The following MN1 variants were observed in gnomAD, a reference collection of about 807,000 sequenced individuals.
MN1 encodes the protein MN1 proto-oncogene, transcriptional regulator.
MN1 carries 19 observed loss-of-function variants against 86.9 expected under a neutral mutation model. The observed-to-expected ratio is 0.22, with a 90% CI of 0.15 to 0.32. The LOEUF (loss-of-function observed/expected upper bound fraction) is 0.32. MN1 is among the 10% of genes least tolerant of loss of function. The pLI, the probability that MN1 is intolerant of heterozygous loss-of-function variation, is 1.00. For synonymous variants in MN1, 928 were observed against 849.6 expected, an observed-to-expected ratio of 1.09 and a Z score of -1.60; for missense variants, 1,841 against 1,862.0, an observed-to-expected ratio of 0.99 and a Z score of 0.21.
Position 27,798,355 on chromosome 22 carries a change from G to A in MN1, c.2189C>T (p.Pro730Leu). 1 of 1,505,122 alleles carries A rather than the reference G, an allele frequency of 6.6e-7. No homozygotes were observed. 93.2% of individuals were successfully genotyped at this position (1,505,122 alleles called of 1,614,324 possible). A position where few individuals can be genotyped will look rare whatever the true frequency, so the allele number is the denominator to read the frequency against. Residue 730 changes from proline to leucine, a missense_variant, in exon 1 of 2, where the codon CCC (proline) becomes CTC (leucine). Transcript: ENST00000302326. ...AGACGTAGCAAAGTCCGGCGGCGGG[G>A]GCCGGCGCTCCGAAGCAGCGCTGGG... ...GLPSAASERR[P>L]PPPDFATSAL...
chr22:27,798,303 C>T lies in MN1; in HGVS notation c.2241G>A (p.Pro747=), dbSNP rs1310764650. ...TSALGGQPGF[P]FGAAGRQSTP... ...TGGACTGCCGGCCGGCTGCACCAAA[C>T]GGAAAGCCCGGCTGGCCCCCGAGCG... The change falls in exon 1 of 2, where the codon CCG becomes CCA. Residue 747 remains proline (P), a synonymous_variant. Coordinates refer to ENST00000302326, the MANE Select transcript of MN1 (RefSeq NM_002430.3). 3 of 1,523,266 alleles carry T rather than the reference C, an allele frequency of 2.0e-6. No homozygotes were observed. The highest frequency in any genetic ancestry group is 2.6e-6 in the Non-Finnish European group (3 of 1,145,128). The allele number at this position is 1,523,266 out of a possible 1,614,324, so 94.4% of individuals were successfully genotyped here.
chr22:27,799,636 G>T lies in MN1; in HGVS notation c.908C>A (p.Pro303His). The change falls in exon 1 of 2, where the codon CCC becomes CAC. Residue 303 changes from proline to histidine, a missense_variant. Physicochemically the swap from Pro to His is moderately conservative, Grantham distance 77. Coordinates refer to ENST00000302326, the MANE Select transcript of MN1 (RefSeq NM_002430.3). ...ACCATGCTGCTGCTGCTGCTGCTGG[G>T]GCTGCTGCTGCTGCTGGGGCTGCTG... is the stretch of plus-strand genomic sequence containing the variant. ...PQQQPQQQQQ[P>H]QQQQQQHGVF... is the part of the protein sequence containing the mutation. 1 of 1,544,696 alleles carries T rather than the reference G, an allele frequency of 6.5e-7. No individual in the cohort carries two copies. Among genetic ancestry groups the T allele is most frequent in the South Asian group, 1.2e-5 (1 of 83,390 alleles).
At chr22:27,758,218 G>A (rs544190185) in intron 1 of MN1, among the ~76,000 whole-genome samples, 72 of 152,134 alleles carry the variant, frequency 4.7e-4, no homozygotes, top group African/African-American at 1.7e-3. Context: ...GCTCTCTCCT[G>A]CACTGAAGCC....
At chr22:27,771,946 A>G (rs1017752636) in intron 1 of MN1, among the ~76,000 whole-genome samples, 3 of 152,204 alleles carry the variant, frequency 2.0e-5, no homozygotes, top group Non-Finnish European at 4.4e-5. Context: ...CCACCGCCGT[A>G]TATCAATTAT....
chr22:27,793,482 G>GTTTTGTT (rs1225100394), intron 1 of MN1, among the ~76,000 whole-genome samples: 1 of 152,260 alleles, frequency 6.6e-6, no homozygotes, highest in Middle Eastern at 3.4e-3. Flanking sequence ...CTCAGGCTGG[G>GTTTTGTT]TTTTGTTTTT....
At chr22:27,770,833 T>C (rs950337821) in intron 1 of MN1, among the ~76,000 whole-genome samples, 2 of 151,914 alleles carry the variant, frequency 1.3e-5, no homozygotes, top group Non-Finnish European at 2.9e-5. Flanking sequence ...ACTTTTTTTT[T>C]TTTTAAGTAG....
chr22:27,771,810 C>T (rs1194875322), intron 1 of MN1, among the ~76,000 whole-genome samples: 1 of 152,254 alleles, frequency 6.6e-6, no homozygotes, highest in African/African-American at 2.4e-5. Flanking sequence ...GTCAAAGTTA[C>T]CCCCATTTTA....
chr22:27,795,097 C>G (rs1933271325), intron 1 of MN1, among the ~76,000 whole-genome samples: 2 of 152,028 alleles, frequency 1.3e-5, no homozygotes, highest in African/African-American at 4.8e-5. Flanking sequence ...GCTGAGGGTC[C>G]CAAACTAACC....
chr22:27,779,346 C>T (rs532632584), intron 1 of MN1, among the ~76,000 whole-genome samples: 19 of 152,288 alleles, frequency 1.2e-4, no homozygotes, highest in South Asian at 4.1e-4. Flanking sequence ...TGAGGCAGCA[C>T]GGCCTTGCCC....
chr22:27,765,508 T>G (rs1932862817), intron 1 of MN1, among the ~76,000 whole-genome samples: 1 of 152,156 alleles, frequency 6.6e-6, no homozygotes, highest in Non-Finnish European at 1.5e-5. Context: ...GGAGGGAGAC[T>G]CGAGCGGGGG....
At chr22:27,758,706 A>C (rs1355598151) in intron 1 of MN1, among the ~76,000 whole-genome samples, 1 of 152,204 alleles carries the variant, frequency 6.6e-6, no homozygotes, top group Admixed American at 6.5e-5. Context: ...AATGGGAAGA[A>C]GATAAGGTTC....
chr22:27,768,537 A>G (rs1932887799), intron 1 of MN1, among the ~76,000 whole-genome samples: 2 of 152,198 alleles, frequency 1.3e-5, no homozygotes, highest in Admixed American at 1.3e-4. Flanking sequence ...GGGGTGTAAC[A>G]AGTAGATGCC....
intron 1 of MN1, among the ~76,000 whole-genome samples, chr22:27,770,405 C>T (rs1043715042): frequency 6.6e-6 from 1 of 152,010 alleles, no homozygotes; most frequent in Non-Finnish European, 1.5e-5. Context: ...TTTTCCAACA[C>T]ATAAATTTCT....
chr22:27,800,092 T>C lies in MN1; in HGVS notation c.452A>G (p.Glu151Gly). The change falls in exon 1 of 2, where the codon GAG (glutamate) becomes GGG (glycine). Residue 151 changes from glutamate to glycine, a missense_variant. Physicochemically the swap from Glu to Gly is moderately conservative, Grantham distance 98. Coordinates refer to ENST00000302326, the MANE Select transcript of MN1 (RefSeq NM_002430.3). Reference protein sequence around the residue: ...GGLGSQPPFAEGYEHMAESQG... With the variant: ...GGLGSQPPFAGGYEHMAESQG... Reference sequence around the variant, plus strand: ...GCTCTCCGCCATGTGCTCATAGCCCTCGGCGAAGGGCGGCTGGCTGCCCAG... The same window carrying C: ...GCTCTCCGCCATGTGCTCATAGCCCCCGGCGAAGGGCGGCTGGCTGCCCAG... 1 of 1,591,770 alleles carries C rather than the reference T, an allele frequency of 6.3e-7. No individual in the cohort carries two copies. Among genetic ancestry groups the C allele is most frequent in the Non-Finnish European group, 8.5e-7 (1 of 1,174,682 alleles).
intron 1 of MN1, among the ~76,000 whole-genome samples, chr22:27,787,710 T>C (rs1329000864): frequency 6.6e-6 from 1 of 152,146 alleles, no homozygotes; most frequent in South Asian, 2.1e-4. Context: ...AGGGGAAAGG[T>C]CACTCCCTTT....
At chr22:27,778,925 G>T (rs1262474248) in intron 1 of MN1, among the ~76,000 whole-genome samples, 3 of 152,204 alleles carry the variant, frequency 2.0e-5, no homozygotes, top group African/African-American at 7.2e-5. Context: ...GTGTTCTCAA[G>T]GATAAGGGAG....
chr22:27,772,619 T>C (rs1378348670), intron 1 of MN1, among the ~76,000 whole-genome samples: 1 of 151,688 alleles, frequency 6.6e-6, no homozygotes, highest in Non-Finnish European at 1.5e-5. Context: ...ACCAGGAGAG[T>C]GGTGTGCTGG....
At chr22:27,788,325 G>A (rs535581366) in intron 1 of MN1, among the ~76,000 whole-genome samples, 1 of 152,152 alleles carries the variant, frequency 6.6e-6, no homozygotes, top group African/African-American at 2.4e-5. Context: ...CATCAGGATC[G>A]GGGCCCTAAA....
At chr22:27,755,724 G>C (rs1284421198) in intron 1 of MN1, among the ~76,000 whole-genome samples, 1 of 152,108 alleles carries the variant, frequency 6.6e-6, no homozygotes, top group South Asian at 2.1e-4. Flanking sequence ...ACCCCGCTGC[G>C]ATCACGAGAC....
Sources: gnomAD v4.1 joint callset for allele counts (sites outside exome capture counted in the v4.1 genomes callset) on GRCh38, gnomAD v4.1.1 for gene constraint, MANE v1.5 for transcripts, NCBI Gene and HGNC (gene_info 2026-07-23, HGNC 2026-07-21) for gene names.